The following CCDC186 variants were observed in gnomAD, a reference collection of about 807,000 sequenced individuals.
CCDC186 encodes coiled-coil domain-containing protein 186.
Under a neutral mutation model 113.7 loss-of-function variants are expected in CCDC186, and 49 were observed. That is an observed-to-expected ratio of 0.43 (90% CI 0.34 to 0.55). The LOEUF (loss-of-function observed/expected upper bound fraction) is 0.55. Among genes scored for constraint, CCDC186 ranks in the 20% least tolerant of loss-of-function variants. The probability of loss-of-function intolerance (pLI) is 0.02; values close to 1 mark genes in which losing one functional copy is unlikely to be tolerated. For missense variants in CCDC186, 890 were observed against 1,011.1 expected (o/e 0.88, Z 1.62); for synonymous variants, 355 against 345.8 (o/e 1.03, Z -0.30).
intron 1 of CCDC186, among the ~76,000 whole-genome samples, chr10:114,163,687 G>A (rs1055413042): frequency 1.3e-5 from 2 of 151,986 alleles, no homozygotes; most frequent in African/African-American, 4.8e-5. Context: ...CTTCAGCTCT[G>A]TAAAGAAAAA....
Position 114,147,748 on chromosome 10 carries a change from TAGC to T in CCDC186, c.889-1990_889-1988del, listed in dbSNP as rs1170154491. Among the ~76,000 whole-genome samples, 10 of 152,290 alleles carry T rather than the reference TAGC, an allele frequency of 6.6e-5. No individual in the cohort carries two copies. The East Asian group carries it at 1.5e-3, about 23-fold the overall frequency. On this transcript the variant is annotated intron_variant, in intron 4 of 15. Transcript: ENST00000369287. ...ATGTGTGTTTTAGTAAGATAACTGG[TAGC>T]AGCATGGGAGCTTCACTGAAGTTGA...
chr10:114,164,602 T>C (rs1039791167), intron 1 of CCDC186, among the ~76,000 whole-genome samples: 5 of 152,244 alleles, frequency 3.3e-5, no homozygotes, highest in African/African-American at 9.6e-5. Context: ...AATGAGTTAC[T>C]GAAACCATGT....
chr10:114,172,265 C>A (rs142978923), intron 1 of CCDC186, among the ~76,000 whole-genome samples: 2 of 152,308 alleles, frequency 1.3e-5, no homozygotes, highest in East Asian at 3.9e-4. Flanking sequence ...AATAAAGCTG[C>A]TTTGTGCTTC....
intron 8 of CCDC186, 41 bp from the exon 9 acceptor site, chr10:114,136,018 T>C: frequency 6.4e-7 from 1 of 1,559,416 alleles, no homozygotes; most frequent in Non-Finnish European, 8.8e-7. Context: ...CATAATGTGC[T>C]AAACTATATC....
intron 1 of CCDC186, among the ~76,000 whole-genome samples, chr10:114,170,503 T>C (rs1047494714): frequency 1.3e-5 from 2 of 152,134 alleles, no homozygotes; most frequent in Non-Finnish European, 1.5e-5. Context: ...AAAAATGTTT[T>C]GTAGAGATGG....
At chr10:114,167,799 TAAAAAAAAAAAA>T (rs60257583) in intron 1 of CCDC186, among the ~76,000 whole-genome samples, 37 of 71,300 alleles carry the variant, frequency 5.2e-4, no homozygotes, top group African/African-American at 1.0e-3. Flanking sequence ...CTAATCTCCG[TAAAAAAAAAAAA>T]AAAAAAAAAA....
At position 114,123,544 on chromosome 10, in the gene CCDC186, TA is replaced by T. The variant is rs1449034512; in HGVS notation, c.*1598del. On this transcript the variant is annotated 3_prime_UTR_variant, in exon 16 of 16. Transcript: ENST00000369287. ...CCATCATCCCAAAACTTAATTCCCTTAATGGGAGAAAAAGGGATGCAAAAAT... is the reference window on the plus strand; with the variant it reads ...CCATCATCCCAAAACTTAATTCCCTTATGGGAGAAAAAGGGATGCAAAAAT... 1.3e-5 allele frequency: 2 copies of T among 152,146 alleles called. No homozygotes were observed. Among genetic ancestry groups the T allele is most frequent in the African/African-American group, 4.8e-5 (2 of 41,440 alleles). The allele number at this position is 152,146 out of a possible 1,614,324, so 9.4% of individuals were successfully genotyped here.
Position 114,144,484 on chromosome 10 carries a change from T to C in CCDC186, c.1221+13A>G. On this transcript the variant is annotated intron_variant, in intron 6 of 15. Transcript: ENST00000369287. ...TCATTCTAATCATTATTCCATTGTA[T>C]TACAGTACGTACCTTGTGTGAATCC... 1 of 1,607,426 alleles carries C rather than the reference T, an allele frequency of 6.2e-7. No homozygotes were observed. The highest frequency in any genetic ancestry group is 8.5e-7 in the Non-Finnish European group (1 of 1,177,702).
At position 114,137,270 on chromosome 10, in the gene CCDC186, T is replaced by C. The variant is rs2031294899; in HGVS notation, c.1242A>G (p.Lys414=). The C allele has an allele frequency of 1.2e-6, 2 of 1,613,400 alleles. No individual in the cohort carries two copies. The highest frequency in any genetic ancestry group is 8.5e-7 in the Non-Finnish European group (1 of 1,179,900). ...CTTGTGTTAATTTTGTTGTTGTTTC[T>C]TTGAGTTTATCTTTGGTTTCCTGCA... is the stretch of plus-strand genomic sequence containing the variant. ...DSHKETKDKL[K]ETTTKLTQAK... is the part of the protein sequence containing the mutation. Residue 414 remains lysine, a synonymous_variant, in exon 7 of 16, where the codon AAA becomes AAG. Transcript: ENST00000369287.
At chr10:114,166,883 C>A (rs1416396931) in intron 1 of CCDC186, among the ~76,000 whole-genome samples, 2 of 152,150 alleles carry the variant, frequency 1.3e-5, no homozygotes, top group African/African-American at 4.8e-5. Context: ...ATATCCTCCT[C>A]CTGTAAATTA....
In CCDC186 at chr10:114,163,344, C is replaced by A; in HGVS notation, c.-61-15G>T. ...TCGTTTTACATCTAAGAAATTGAAA[C>A]ATCAAAATTAAAAACCACTTTAAAC... On this transcript the variant is annotated splice_polypyrimidine_tract_variant and intron_variant, in intron 1 of 15. Transcript: ENST00000369287. 2.0e-6 allele frequency: 3 copies of A among 1,524,330 alleles called. No homozygotes were observed. The highest frequency in any genetic ancestry group is 2.3e-5 in the East Asian group (1 of 44,012). The allele number at this position is 1,524,330 out of a possible 1,614,324, so 94.4% of individuals were successfully genotyped here.
At chr10:114,133,836 CAGA>C (rs2031169952) in intron 10 of CCDC186, among the ~76,000 whole-genome samples, 1 of 152,028 alleles carries the variant, frequency 6.6e-6, no homozygotes, top group African/African-American at 2.4e-5. Context: ...AGAATGAATA[CAGA>C]AGATTATATA....
chr10:114,136,946 C>G (rs981929375), intron 7 of CCDC186, among the ~76,000 whole-genome samples: 1 of 151,902 alleles, frequency 6.6e-6, no homozygotes, highest in East Asian at 1.9e-4. Context: ...GTGAAACCCC[C>G]TCTCTACTAA....
At chr10:114,134,749 C>T (rs2119711806) in intron 10 of CCDC186, among the ~76,000 whole-genome samples, 164 bp downstream of exon 10, 1 of 152,096 alleles carries the variant, frequency 6.6e-6, no homozygotes, top group African/African-American at 2.4e-5. Flanking sequence ...TGACAGAACT[C>T]AAAAGATAAT....
At position 114,125,979 on chromosome 10, in the gene CCDC186, A is replaced by G; in HGVS notation, c.2520T>C (p.Ala840=). The stretch of plus-strand genomic sequence containing the variant: ...AGAGCTCCAATGTTAATCCATTGTC[A>G]GCTGGATGGGATGTATATAAAGATG... The part of the protein sequence containing the change: ...IMASLYTSHP[A]DNGLTLELSL... Residue 840 remains alanine (A), a synonymous_variant, in exon 15 of 16, where the codon GCT becomes GCC. Transcript: ENST00000369287. The G allele has an allele frequency of 6.2e-7, 1 of 1,614,070 alleles. No homozygotes were observed. The highest frequency in any genetic ancestry group is 8.5e-7 in the Non-Finnish European group (1 of 1,179,962).
intron 3 of CCDC186, among the ~76,000 whole-genome samples, chr10:114,154,233 GAAAAA>G (rs2031944219): frequency 7.2e-6 from 1 of 138,104 alleles, no homozygotes; most frequent in Non-Finnish European, 1.6e-5. Flanking sequence ...AAAAAGAAAA[GAAAAA>G]GAAAAACAGA....
At position 114,121,138 on chromosome 10, in the gene CCDC186, T is replaced by A. The variant is rs955083821; in HGVS notation, c.*4005A>T. 1.1e-4 allele frequency: 16 copies of A among 152,206 alleles called. No individual in the cohort carries two copies. The highest frequency in any genetic ancestry group is 1.5e-4 in the Non-Finnish European group (10 of 68,028). 9.4% of individuals were successfully genotyped at this position (152,206 alleles called of 1,614,324 possible). ...TATACAATTATATTTTTCATTTATT[T>A]TCCTAAAAATTCTCCATGTTTAGAT... is the stretch of plus-strand genomic sequence containing the variant. On this transcript the variant is annotated 3_prime_UTR_variant, in exon 16 of 16. Coordinates refer to ENST00000369287, the MANE Select transcript of CCDC186 (RefSeq NM_018017.4).
intron 5 of CCDC186, among the ~76,000 whole-genome samples, chr10:114,144,990 A>G (rs1481598843): frequency 3.3e-5 from 5 of 152,104 alleles, no homozygotes; most frequent in African/African-American, 1.2e-4. Flanking sequence ...AAAATTTATC[A>G]TTGAAAAATG....
At chr10:114,172,616 C>T (rs1267469794) in intron 1 of CCDC186, among the ~76,000 whole-genome samples, 3 of 152,190 alleles carry the variant, frequency 2.0e-5, no homozygotes, top group Admixed American at 6.5e-5. Context: ...CAAACACAAT[C>T]CATGCATTTC....
Sources: gnomAD v4.1 joint callset for allele counts (sites outside exome capture counted in the v4.1 genomes callset) on GRCh38, gnomAD v4.1.1 for gene constraint, MANE v1.5 for transcripts, NCBI Gene and HGNC (gene_info 2026-07-23, HGNC 2026-07-21) for gene names.